The following TRANK1 variants were observed in gnomAD, a reference collection of about 807,000 sequenced individuals.
TRANK1 encodes the protein tetratricopeptide repeat and ankyrin repeat containing 1, also known as TPR and ankyrin repeat-containing protein 1.
A neutral mutation model predicts 266.0 loss-of-function variants in TRANK1; 198 were observed. That is an observed-to-expected ratio of 0.74 (90% confidence interval 0.66 to 0.84). The LOEUF is 0.84. Among genes scored for constraint, TRANK1 ranks in the 40% least tolerant of loss-of-function variants. The pLI, the probability that TRANK1 is intolerant of heterozygous loss-of-function variation, is 0.00. For missense variants in TRANK1, 3,326 were observed against 3,634.6 expected, an observed-to-expected ratio of 0.92 and a Z score of 2.18; for synonymous variants, 1,396 against 1,384.1, an observed-to-expected ratio of 1.01 and a Z score of -0.19.
chr3:36,903,267 G>A lies in TRANK1; in HGVS notation c.164C>T (p.Pro55Leu), dbSNP rs200910054. ...GCACAGCAGCACAGCCAAGTCCCTC[G>A]GGGGAACCCTGTAAGAACAAACCGG... ...LLQLYQWGVP[P>L]RDLAVLLCNK... The change falls in exon 3 of 24, where the codon CCG becomes CTG. Residue 55 changes from proline (P) to leucine (L), a missense_variant. Transcript: ENST00000645898. 35 of 1,537,054 alleles carry A rather than the reference G, an allele frequency of 2.3e-5. No individual in the cohort carries two copies. The highest frequency in any genetic ancestry group is 2.6e-5 in the Non-Finnish European group (30 of 1,146,834).
intron 1 of TRANK1, among the ~76,000 whole-genome samples, chr3:36,928,194 G>T (rs992905012): frequency 3.9e-5 from 6 of 152,132 alleles, no homozygotes; most frequent in Admixed American, 3.9e-4. Flanking sequence ...CAAAACCAAG[G>T]TACGCCCAAT....
chr3:36,907,130 T>C (rs2079980567), intron 2 of TRANK1, among the ~76,000 whole-genome samples: 2 of 152,154 alleles, frequency 1.3e-5, no homozygotes, highest in South Asian at 2.1e-4. Flanking sequence ...AAATACAACA[T>C]GTAATAGATT....
At chr3:36,892,836 A>G in intron 6 of TRANK1, 65 bp downstream of exon 6, 1 of 687,448 alleles carries the variant, frequency 1.5e-6, no homozygotes, top group Non-Finnish European at 1.9e-6. Context: ...TCAAAACAAA[A>G]CAAAACAAAA....
At chr3:36,921,827 G>C (rs1000966956) in intron 1 of TRANK1, among the ~76,000 whole-genome samples, 1 of 152,078 alleles carries the variant, frequency 6.6e-6, no homozygotes, top group African/African-American at 2.4e-5. Flanking sequence ...GTTTAAGTTA[G>C]GCTTTCTGTT....
chr3:36,882,337 T>C (rs148061504), intron 8 of TRANK1, among the ~76,000 whole-genome samples: 345 of 152,284 alleles, frequency 2.3e-3, no homozygotes, highest in South Asian at 4.8e-3. Flanking sequence ...CAAAGACTCC[T>C]ACAACACATG....
intron 8 of TRANK1, among the ~76,000 whole-genome samples, chr3:36,874,796 T>TGCTCTGATGTATCCATTTGCC (rs1178056280): frequency 4.5e-4 from 69 of 152,306 alleles, no homozygotes; most frequent in South Asian, 8.3e-4. Context: ...CTCCATTTGC[T>TGCTCTGATGTATCCATTTGCC]GCTCTGATGT....
Position 36,864,495 on chromosome 3 carries a change from C to G in TRANK1, c.1079-15G>C. The G allele has an allele frequency of 1.3e-6, 2 of 1,507,186 alleles. No homozygotes were observed. The highest frequency in any genetic ancestry group is 1.8e-6 in the Non-Finnish European group (2 of 1,135,874). 93.4% of individuals were successfully genotyped at this position (1,507,186 alleles called of 1,614,324 possible). A position where few individuals can be genotyped will look rare whatever the true frequency, so the allele number is the denominator to read the frequency against. ...ATTGCTGAATCCTACAAAACAGCACCAGGTAATGCTTCTGAATACAGAAAT... is the reference window on the plus strand; with the variant it reads ...ATTGCTGAATCCTACAAAACAGCACGAGGTAATGCTTCTGAATACAGAAAT... On this transcript the variant is annotated splice_polypyrimidine_tract_variant and intron_variant, in intron 9 of 23. Transcript: ENST00000645898.
At chr3:36,876,441 G>A (rs2079389013) in intron 8 of TRANK1, among the ~76,000 whole-genome samples, 1 of 152,248 alleles carries the variant, frequency 6.6e-6, no homozygotes, top group Non-Finnish European at 1.5e-5. Flanking sequence ...GGGAGGACAT[G>A]TGACCAAAGT....
chr3:36,914,359 T>C (rs2080096211), intron 1 of TRANK1, among the ~76,000 whole-genome samples: 1 of 151,828 alleles, frequency 6.6e-6, no homozygotes, highest in South Asian at 2.1e-4. Flanking sequence ...GGTCTTGAAC[T>C]CCTGAGCTCA....
chr3:36,892,818 A>C, intron 6 of TRANK1, 83 bp downstream of exon 6: 1 of 511,158 alleles, frequency 2.0e-6, no homozygotes, highest in Non-Finnish European at 2.7e-6. Context: ...AAAGGGCGAG[A>C]CTCAGTCTCA....
Position 36,852,264 on chromosome 3 carries a change from GA to G in TRANK1, c.4630del (p.Ser1544LeufsTer17), listed in dbSNP as rs1200774447. On this transcript the variant is annotated frameshift_variant, in exon 14 of 24. Transcript: ENST00000645898. LOFTEE classifies it high-confidence loss of function. ...TGGCTTAGGACCATCAAAGAGGCCA[GA>G]ATCCCTTGGAAGGCGATCAAAAGAT... Reference protein sequence around the residue: ...PESFDRLPRDSGLFDGPKPTV... With the variant: ...PESFDRLPRDXGLFDGPKPTV... 6.2e-7 allele frequency: 1 copy of G among 1,613,400 alleles called. No homozygotes were observed. The highest frequency in any genetic ancestry group is 8.5e-7 in the Non-Finnish European group (1 of 1,179,730).
At chr3:36,908,062 A>G (rs1287815953) in intron 2 of TRANK1, among the ~76,000 whole-genome samples, 1 of 152,218 alleles carries the variant, frequency 6.6e-6, no homozygotes, top group African/African-American at 2.4e-5. Context: ...GACTTCAGCC[A>G]TCCCATTAAA....
intron 9 of TRANK1, among the ~76,000 whole-genome samples, chr3:36,868,572 A>G (rs151015134): frequency 6.6e-6 from 1 of 152,322 alleles, no homozygotes; most frequent in African/African-American, 2.4e-5. Flanking sequence ...TTAAATTTAC[A>G]TTCTCATCAC....
rs368545725 is a variant in TRANK1, at chr3:36,851,785, T to A, written c.4821A>T (p.Thr1607=). ...ATTCTAAGCCTTTTGCTTCATAAAT[T>A]GTTAGCACAAGTGCTAACCCCAGCT... ...PEELGLALVL[T]IYEAKGLEFD... is the part of the protein sequence containing the mutation. Residue 1607 remains threonine, a synonymous_variant, in exon 15 of 24, where the codon ACA becomes ACT. Coordinates refer to ENST00000645898, the MANE Select transcript of TRANK1 (RefSeq NM_001329998.2). 1.4e-4 allele frequency: 218 copies of A among 1,612,740 alleles called. No individual in the cohort carries two copies. The highest frequency in any genetic ancestry group is 1.8e-4 in the Non-Finnish European group (211 of 1,179,366).
At chr3:36,916,921 T>G (rs2080134664) in intron 1 of TRANK1, among the ~76,000 whole-genome samples, 1 of 151,958 alleles carries the variant, frequency 6.6e-6, no homozygotes. Flanking sequence ...GTTCAAGAGA[T>G]TCTCCTGCCT....
Position 36,874,125 on chromosome 3 carries a change from C to A in TRANK1, c.1078+1G>T. On this transcript the variant is annotated splice_donor_variant, in intron 9 of 23. Coordinates refer to ENST00000645898, the MANE Select transcript of TRANK1 (RefSeq NM_001329998.2). LOFTEE classifies it high-confidence loss of function. ...AAAAGTTAATACACTGGAAGCTGTA[C>A]CTGATAGGTCCTTAGAACACGTAGC... The A allele has an allele frequency of 6.5e-7, 1 of 1,535,862 alleles. No individual in the cohort carries two copies. The highest frequency in any genetic ancestry group is 8.7e-7 in the Non-Finnish European group (1 of 1,146,190).
At position 36,944,662 on chromosome 3, in the gene TRANK1, C is replaced by T. The variant is rs558595915; in HGVS notation, c.23+125G>A. 4.4e-4 allele frequency: 513 copies of T among 1,169,658 alleles called. 4 individuals carry two copies. The South Asian group carries it at 7.4e-3, about 17-fold the overall frequency. 72.5% of individuals were successfully genotyped at this position (1,169,658 alleles called of 1,614,324 possible). A position where few individuals can be genotyped will look rare whatever the true frequency, so the allele number is the denominator to read the frequency against. On this transcript the variant is annotated intron_variant, in intron 1 of 23. Transcript: ENST00000645898. ...ATGGCTGTGGGCCCCACAGGGATGG[C>T]CGGGCGGGCCCGTTCGGCCGCTACC...
Position 36,830,896 on chromosome 3 carries a change from T to C in TRANK1, c.8687A>G (p.Tyr2896Cys). The change falls in exon 22 of 24, where the codon TAC becomes TGC. Residue 2896 changes from tyrosine to cysteine, a missense_variant. Tyr to Cys is a radical substitution (Grantham distance 194, BLOSUM62 -2). Coordinates refer to ENST00000645898, the MANE Select transcript of TRANK1 (RefSeq NM_001329998.2). ...KRVSDMVEDL[Y>C]RRKAWAGAEE... Reference sequence around the variant, plus strand: ...ACCGCCAGCCCAGGCCTTCCGCCTGTAGAGGTCCTCCACCATATCCGAAAC... The same window carrying C: ...ACCGCCAGCCCAGGCCTTCCGCCTGCAGAGGTCCTCCACCATATCCGAAAC... The C allele has an allele frequency of 7.5e-6, 12 of 1,610,580 alleles. No homozygotes were observed. Among genetic ancestry groups the C allele is most frequent in the Non-Finnish European group, 1.0e-5 (12 of 1,177,392 alleles).
intron 18 of TRANK1, among the ~76,000 whole-genome samples, chr3:36,841,227 T>A (rs563987691): frequency 1.3e-5 from 2 of 152,206 alleles, no homozygotes; most frequent in Non-Finnish European, 2.9e-5. Flanking sequence ...AAAACACTGT[T>A]GCAAAACATT....
Sources: allele counts gnomAD v4.1 joint callset (sites outside exome capture counted in the v4.1 genomes callset), GRCh38; gene constraint gnomAD v4.1.1; transcripts MANE v1.5; gene names NCBI Gene and HGNC (gene_info 2026-07-23, HGNC 2026-07-21).